Variants in RGS12 observed in about 807,000 individuals in gnomAD.
The protein encoded by RGS12 is regulator of G-protein signaling 12.
In RGS12, 66 loss-of-function variants were observed where a neutral mutation model predicts 120.1. That is an observed-to-expected ratio of 0.55 (90% confidence interval 0.45 to 0.67). The LOEUF is 0.67. Among genes scored for constraint, RGS12 ranks in the 30% least tolerant of loss-of-function variants. The pLI is 0.00. For synonymous variants in RGS12, 827 were observed against 804.7 expected (o/e 1.03, Z -0.47); for missense variants, 1,859 against 1,957.7 (o/e 0.95, Z 0.95).
chr4:3,340,524 G>A (rs1218641876), intron 2 of RGS12, among the ~76,000 whole-genome samples: 6 of 152,200 alleles, frequency 3.9e-5, no homozygotes, highest in Non-Finnish European at 7.3e-5. Flanking sequence ...GCGTGGACAC[G>A]GACGCCAGCC....
intron 2 of RGS12, 54 bp from the exon 3 acceptor site, chr4:3,342,883 A>T: frequency 2.5e-6 from 3 of 1,209,918 alleles, no homozygotes. Context: ...ATTGGACAAG[A>T]CTAAACATCT....
At chr4:3,339,503 C>T (rs12500527) in intron 2 of RGS12, among the ~76,000 whole-genome samples, 1 of 151,926 alleles carries the variant, frequency 6.6e-6, no homozygotes, top group Admixed American at 6.6e-5. Flanking sequence ...AAATTAAACT[C>T]TCTTATCACT....
At chr4:3,415,064 G>A (rs548895670) in intron 6 of RGS12, among the ~76,000 whole-genome samples, 2 of 147,430 alleles carry the variant, frequency 1.4e-5, no homozygotes, top group Admixed American at 6.7e-5. Context: ...CTGTGTGTGA[G>A]GGGCGTGTGA....
chr4:3,422,590 C>A lies in RGS12; in HGVS notation c.3033+20C>A, dbSNP rs777010948. The A allele has an allele frequency of 3.7e-6, 6 of 1,603,774 alleles. No individual in the cohort carries two copies. On this transcript the variant is annotated intron_variant, in intron 11 of 17. Transcript: ENST00000336727. The stretch of plus-strand genomic sequence containing the variant: ...GACAAGGTACTGGGCCCGCCTGACC[C>A]TCGTGCTGCCCTCAGGCCATGACCT...
chr4:3,360,648 T>C (rs763442631), intron 3 of RGS12, among the ~76,000 whole-genome samples: 22 of 152,190 alleles, frequency 1.4e-4, no homozygotes, highest in Non-Finnish European at 2.5e-4. Flanking sequence ...CTTCATGATA[T>C]TGAGGAGGCA....
chr4:3,286,410 G>T, the RGS12 span, among the ~76,000 whole-genome samples: 1 of 152,260 alleles, frequency 6.6e-6, no homozygotes, highest in Non-Finnish European at 1.5e-5. Context: ...GGGATTTTCT[G>T]TGTGCTCCTA....
intron 3 of RGS12, among the ~76,000 whole-genome samples, chr4:3,343,856 C>G (rs901166570): frequency 1.3e-5 from 2 of 152,228 alleles, no homozygotes; most frequent in African/African-American, 4.8e-5. Flanking sequence ...TCTATGTCTT[C>G]TTATTAATGT....
At chr4:3,367,279 C>T (rs1237104045) in intron 3 of RGS12, among the ~76,000 whole-genome samples, 2 of 152,278 alleles carry the variant, frequency 1.3e-5, no homozygotes, top group Admixed American at 6.5e-5. Flanking sequence ...GGTGGGCCTG[C>T]GTTGGAGGGC....
intron 2 of RGS12, among the ~76,000 whole-genome samples, chr4:3,319,075 T>G (rs921996705): frequency 1.3e-5 from 2 of 150,678 alleles, no homozygotes; most frequent in Non-Finnish European, 2.9e-5. Flanking sequence ...ATATTTCTAC[T>G]TGATTCCCCC....
At chr4:3,393,417 G>A (rs1719706633) in intron 4 of RGS12, among the ~76,000 whole-genome samples, 1 of 152,124 alleles carries the variant, frequency 6.6e-6, no homozygotes, top group African/African-American at 2.4e-5. Flanking sequence ...TCCCTGCTAG[G>A]TCTCTCCTGC....
At chr4:3,428,269 A>G in intron 15 of RGS12, 100 bp downstream of exon 15, 1 of 1,092,380 alleles carries the variant, frequency 9.2e-7, no homozygotes, top group Non-Finnish European at 1.4e-6. Flanking sequence ...CCTGCTTATC[A>G]CTGTGTGTCT....
At chr4:3,343,555 C>G (rs1442843575) in intron 3 of RGS12, among the ~76,000 whole-genome samples, 1 of 152,118 alleles carries the variant, frequency 6.6e-6, no homozygotes, top group Admixed American at 6.5e-5. Context: ...TCATTACGTC[C>G]TGCATTGGTG....
intron 9 of RGS12, chr4:3,418,774 G>A (rs956626989): frequency 6.6e-6 from 1 of 152,180 alleles, no homozygotes; most frequent in African/African-American, 2.4e-5. Flanking sequence ...TGGACACTAT[G>A]TTATTAGGTG....
intron 2 of RGS12, among the ~76,000 whole-genome samples, chr4:3,332,223 A>G (rs1324699328): frequency 6.6e-6 from 1 of 152,204 alleles, no homozygotes; most frequent in Non-Finnish European, 1.5e-5. Context: ...GGTGGCCGCC[A>G]CATCCCTGCA....
At chr4:3,422,687 G>A (rs1055453184) in intron 11 of RGS12, 117 bp downstream of exon 11, 18 of 1,218,684 alleles carry the variant, frequency 1.5e-5, no homozygotes, top group East Asian at 5.0e-5. Context: ...TTTCAACAGC[G>A]CCTGGGGCGG....
At position 3,423,330 on chromosome 4, in the gene RGS12, T is replaced by C. The variant is rs911931616; in HGVS notation, c.3108-185T>C. ...CTGCTATCCCTGGAGGAGGAGACCA[T>C]AGCCCTTGCTTGGCCTGACTTTTCC... is the stretch of plus-strand genomic sequence containing the variant. On this transcript the variant is annotated intron_variant, in intron 12 of 17. Transcript: ENST00000336727. 3.3e-5 allele frequency among the ~76,000 whole-genome samples: 5 copies of C among 152,328 alleles called. No homozygotes were observed. The East Asian group carries it at 9.6e-4, about 29-fold the overall frequency.
rs1349320860 is a variant in RGS12 at position 3,390,331 on chromosome 4, C to T, written c.2020+3894C>T. ...GTCCCCCCAGCTGGTGTGACCTCCA[C>T]GTGGCAGGTCAGAGTTGTCCCGGCA... On this transcript the variant is annotated intron_variant, in intron 4 of 17. Coordinates refer to ENST00000336727, the MANE Select transcript of RGS12 (RefSeq NM_001394154.1). The surrounding 1 kb of genome is among the most constrained non-coding windows in gnomAD (Gnocchi z 4.6). Among the ~76,000 whole-genome samples, 1 of 152,200 alleles carries T rather than the reference C, an allele frequency of 6.6e-6. No individual in the cohort carries two copies. The highest frequency in any genetic ancestry group is 2.4e-5 in the African/African-American group (1 of 41,452).
intron 17 of RGS12, chr4:3,432,038 A>C (rs1304086752): frequency 2.0e-6 from 2 of 985,222 alleles, no homozygotes; most frequent in Admixed American, 1.2e-4. Flanking sequence ...GGTGCCTGGC[A>C]TGCCCACCGG....
chr4:3,439,393 G>T lies in RGS12; in HGVS notation c.4115-62G>T. 10 of 1,547,298 alleles carry T rather than the reference G, an allele frequency of 6.5e-6. No individual in the cohort carries two copies. The South Asian group carries it at 7.8e-5, about 12-fold the overall frequency. The stretch of plus-strand genomic sequence containing the variant: ...TGTGCAGGGGCCTTCGGGGTAGGGG[G>T]TGGGTTCCGGGGGCCCAGGGCCGGG... On this transcript the variant is annotated intron_variant, in intron 17 of 17. Transcript: ENST00000336727.
Sources: allele counts gnomAD v4.1 joint callset (sites outside exome capture counted in the v4.1 genomes callset), GRCh38; gene constraint gnomAD v4.1.1; non-coding constraint Gnocchi (gnomAD v3.1); transcripts MANE v1.5; gene names NCBI Gene and HGNC (gene_info 2026-07-23, HGNC 2026-07-21).